PICALM: variants seen among roughly 807,000 people sequenced by gnomAD.
PICALM encodes phosphatidylinositol binding clathrin assembly protein, also known as phosphatidylinositol-binding clathrin assembly protein.
In PICALM, 40 loss-of-function variants were observed where a neutral mutation model predicts 80.5. The observed-to-expected ratio is 0.50, with a 90% CI of 0.39 to 0.65. PICALM has a LOEUF of 0.65. Among genes scored for constraint, PICALM ranks in the 30% least tolerant of loss-of-function variants. The pLI, the probability that PICALM is intolerant of heterozygous loss-of-function variation, is 0.00. For synonymous variants in PICALM, 288 were observed against 260.3 expected, an observed-to-expected ratio of 1.11 and a Z score of -1.02; for missense variants, 676 against 778.9, an observed-to-expected ratio of 0.87 and a Z score of 1.57.
Position 85,996,891 on chromosome 11 carries a change from T to G in PICALM, c.1193A>C (p.Gln398Pro). Reference sequence around the variant, plus strand: ...ATGTACAGATGGGTGAAAAGTTGGCTGCTGCAAATCAAGCAGATCATTGGG... The same window carrying G: ...ATGTACAGATGGGTGAAAAGTTGGCGGCTGCAAATCAAGCAGATCATTGGG... ...KLPNDLLDLQ[Q>P]PTFHPSVHPM... The change falls in exon 12 of 20, where the codon CAG (glutamine) becomes CCG (proline). Residue 398 changes from glutamine to proline, a missense_variant. Around this residue, in one of 2 missense-constraint regions of PICALM, gnomAD observed 391 missense variants for 383.6 expected, o/e 1.02. Coordinates refer to ENST00000393346, the MANE Select transcript of PICALM (RefSeq NM_007166.4). 3.1e-6 allele frequency: 5 copies of G among 1,613,268 alleles called. No individual in the cohort carries two copies. Among genetic ancestry groups the G allele is most frequent in the Non-Finnish European group, 4.2e-6 (5 of 1,179,552 alleles).
At chr11:86,034,568 T>C (rs2095809972) in intron 1 of PICALM, among the ~76,000 whole-genome samples, 1 of 152,172 alleles carries the variant, frequency 6.6e-6, no homozygotes, top group African/African-American at 2.4e-5. Flanking sequence ...ACAGATCTTA[T>C]ATTTTCTTTT....
chr11:86,007,453 G>A (rs2095302158), intron 8 of PICALM, 89 bp downstream of exon 8: 1 of 751,608 alleles, frequency 1.3e-6, no homozygotes, highest in Non-Finnish European at 2.4e-6. Flanking sequence ...TGATCCCTTT[G>A]ACAATGGGGG....
At chr11:86,039,398 T>C (rs1197866020) in intron 1 of PICALM, among the ~76,000 whole-genome samples, 1 of 151,882 alleles carries the variant, frequency 6.6e-6, no homozygotes, top group Admixed American at 6.6e-5. Context: ...TGACACTCTG[T>C]GTCTAAAAAA....
intron 1 of PICALM, among the ~76,000 whole-genome samples, chr11:86,043,323 A>C (rs1249235497): frequency 6.6e-6 from 1 of 152,184 alleles, no homozygotes; most frequent in East Asian, 1.9e-4. Context: ...TTTTAACAAT[A>C]ATCTCTGCTT....
At chr11:85,975,749 A>AC (rs1356592160) in intron 18 of PICALM, among the ~76,000 whole-genome samples, 1 of 151,996 alleles carries the variant, frequency 6.6e-6, no homozygotes, top group Non-Finnish European at 1.5e-5. Context: ...GGTGTGCGCC[A>AC]CCATACCCAG....
chr11:85,993,646 C>T (rs575259228), intron 12 of PICALM, among the ~76,000 whole-genome samples: 78 of 152,038 alleles, frequency 5.1e-4, no homozygotes, highest in African/African-American at 1.9e-3. Flanking sequence ...ACCATGTTGG[C>T]CAGGCTGGTC....
At chr11:86,046,257 C>T (rs567469638) in intron 1 of PICALM, among the ~76,000 whole-genome samples, 1 of 152,102 alleles carries the variant, frequency 6.6e-6, no homozygotes, top group Non-Finnish European at 1.5e-5. Flanking sequence ...TACAACTGTA[C>T]TATAACAAGA....
intron 9 of PICALM, among the ~76,000 whole-genome samples, chr11:86,002,232 G>A (rs1248557630): frequency 6.6e-6 from 1 of 152,022 alleles, no homozygotes; most frequent in Non-Finnish European, 1.5e-5. Context: ...AAAATTCAAA[G>A]TACAAATCTA....
At position 86,034,043 on chromosome 11, in the gene PICALM, T is replaced by C. The variant is rs189198091; in HGVS notation, c.131-2432A>G. On this transcript the variant is annotated intron_variant, in intron 1 of 19. Coordinates refer to ENST00000393346, the MANE Select transcript of PICALM (RefSeq NM_007166.4). ...TTACTATAATGCTTATTAAAAACTA[T>C]AGTATGCTTTTAGTACTGATCACAG... Among the ~76,000 whole-genome samples, 17 of 152,352 alleles carry C rather than the reference T, an allele frequency of 1.1e-4. No individual in the cohort carries two copies. The South Asian group carries it at 2.3e-3, about 20-fold the overall frequency.
At chr11:85,983,774 T>C in intron 14 of PICALM, 92 bp downstream of exon 14, 2 of 576,446 alleles carry the variant, frequency 3.5e-6, no homozygotes, top group East Asian at 6.2e-5. Flanking sequence ...CAGTTTAATA[T>C]ATCTAAACAT....
intron 17 of PICALM, chr11:85,978,795 T>G (rs2094354502): frequency 6.6e-6 from 1 of 152,210 alleles, no homozygotes; most frequent in Non-Finnish European, 1.5e-5. Flanking sequence ...TAGTCAGTCT[T>G]AAGTGCTATC....
At chr11:86,044,051 A>G (rs1344962270) in intron 1 of PICALM, among the ~76,000 whole-genome samples, 1 of 152,230 alleles carries the variant, frequency 6.6e-6, no homozygotes, top group East Asian at 1.9e-4. Flanking sequence ...TGCATACTAT[A>G]ATACGCCAAT....
chr11:86,017,126 G>A (rs1315019214), intron 4 of PICALM, among the ~76,000 whole-genome samples: 1 of 152,108 alleles, frequency 6.6e-6, no homozygotes, highest in African/African-American at 2.4e-5. Context: ...GGGAGGCTGA[G>A]GTGGGAGAAT....
chr11:85,975,592 CTTT>C (rs11407535), intron 18 of PICALM, among the ~76,000 whole-genome samples: 4 of 89,636 alleles, frequency 4.5e-5, no homozygotes, highest in South Asian at 7.9e-4. Flanking sequence ...TCTCAGCAGA[CTTT>C]TTTTTTTTTT....
intron 1 of PICALM, among the ~76,000 whole-genome samples, chr11:86,059,413 A>C (rs2096320979): frequency 6.6e-6 from 1 of 152,254 alleles, no homozygotes; most frequent in Non-Finnish European, 1.5e-5. Context: ...GGTGAGAATA[A>C]TGCTGGACTG....
chr11:86,068,330 G>A (rs796471575), intron 1 of PICALM, among the ~76,000 whole-genome samples: 4 of 152,326 alleles, frequency 2.6e-5, no homozygotes, highest in African/African-American at 7.2e-5. Context: ...CAGTGGAGAC[G>A]GGTAGGGGGT....
intron 1 of PICALM, among the ~76,000 whole-genome samples, chr11:86,056,551 A>G (rs149217163): frequency 3.3e-5 from 5 of 152,330 alleles, no homozygotes; most frequent in Admixed American, 6.5e-5. Flanking sequence ...GAGGAGAAAC[A>G]GGAATCTTCA....
chr11:86,048,049 C>A (rs1279960812), intron 1 of PICALM, among the ~76,000 whole-genome samples: 1 of 151,862 alleles, frequency 6.6e-6, no homozygotes, highest in Non-Finnish European at 1.5e-5. Flanking sequence ...TGCAGTGAGC[C>A]GAGATCCCGC....
At chr11:85,981,657 G>C in intron 16 of PICALM, 88 bp downstream of exon 16, 1 of 967,430 alleles carries the variant, frequency 1.0e-6, no homozygotes, top group Non-Finnish European at 1.6e-6. Flanking sequence ...ATATTTTTGA[G>C]AGGAAAGCCA....
Sources: gnomAD v4.1 joint callset for allele counts (sites outside exome capture counted in the v4.1 genomes callset) on GRCh38, gnomAD v4.1.1 for gene constraint, gnomAD v4.1.1 regional missense constraint, MANE v1.5 for transcripts, NCBI Gene and HGNC (gene_info 2026-07-23, HGNC 2026-07-21) for gene names.